The following BARX2 variants were observed in gnomAD, a reference collection of about 807,000 sequenced individuals.
The protein encoded by BARX2 is BARX homeobox 2.
BARX2 carries 11 observed loss-of-function variants against 25.5 expected under a neutral mutation model. The observed-to-expected ratio is 0.43, with a 90% CI of 0.27 to 0.71. The LOEUF (loss-of-function observed/expected upper bound fraction) is 0.71. BARX2 is among the 30% of genes least tolerant of loss of function. BARX2 has a pLI of 0.19. For missense variants in BARX2, 360 were observed against 359.9 expected (o/e 1.00, Z 0.00); for synonymous variants, 137 against 149.5 (o/e 0.92, Z 0.61).
chr11:129,406,120 A>T (rs568790614), intron 1 of BARX2, among the ~76,000 whole-genome samples: 1 of 152,352 alleles, frequency 6.6e-6, no homozygotes, highest in Admixed American at 6.5e-5. Context: ...ATCAATATTT[A>T]AAAAATAATA....
chr11:129,398,790 T>A (rs191864236), intron 1 of BARX2, among the ~76,000 whole-genome samples: 1 of 152,360 alleles, frequency 6.6e-6, no homozygotes, highest in East Asian at 1.9e-4. Flanking sequence ...CAGTTCAGCA[T>A]TGTTAGTAAA....
At chr11:129,450,315 A>ATTTTCT (rs1565525659) in intron 3 of BARX2, among the ~76,000 whole-genome samples, 1 of 152,238 alleles carries the variant, frequency 6.6e-6, no homozygotes, top group Non-Finnish European at 1.5e-5. Flanking sequence ...GAAAATATAG[A>ATTTTCT]AAAAACAAAG....
intron 3 of BARX2, among the ~76,000 whole-genome samples, chr11:129,445,270 G>A (rs1327252493): frequency 2.6e-5 from 4 of 152,150 alleles, no homozygotes; most frequent in South Asian, 2.1e-4. Flanking sequence ...CTTCTTCCTC[G>A]TCAGTCATCA....
chr11:129,423,140 G>A (rs1372945366), intron 1 of BARX2, among the ~76,000 whole-genome samples: 2 of 146,178 alleles, frequency 1.4e-5, no homozygotes, highest in Non-Finnish European at 3.0e-5. Flanking sequence ...TTCCCAAGAC[G>A]GAGTCTTGCT....
intron 2 of BARX2, among the ~76,000 whole-genome samples, chr11:129,439,144 G>T (rs1364257363): frequency 1.3e-5 from 2 of 152,132 alleles, no homozygotes; most frequent in African/African-American, 2.4e-5. Flanking sequence ...TCTCTCTGGT[G>T]GCACCATAAA....
chr11:129,377,528 C>G (rs548731798), intron 1 of BARX2, among the ~76,000 whole-genome samples: 11 of 152,118 alleles, frequency 7.2e-5, no homozygotes, highest in Admixed American at 7.2e-4. Flanking sequence ...TTTTTAAAAC[C>G]AAGAAATATA....
At chr11:129,396,634 G>A (rs1327821012) in intron 1 of BARX2, among the ~76,000 whole-genome samples, 5 of 152,130 alleles carry the variant, frequency 3.3e-5, no homozygotes, top group Non-Finnish European at 7.4e-5. Flanking sequence ...CATGTGGTGG[G>A]TGGGGGGACG....
At chr11:129,425,352 T>G (rs1380327143) in intron 1 of BARX2, among the ~76,000 whole-genome samples, 2 of 152,008 alleles carry the variant, frequency 1.3e-5, no homozygotes, top group Admixed American at 6.6e-5. Flanking sequence ...TAGGAGTGAG[T>G]GATTCTGTCT....
At chr11:129,444,871 G>C (rs991213501) in intron 3 of BARX2, among the ~76,000 whole-genome samples, 2 of 152,048 alleles carry the variant, frequency 1.3e-5, no homozygotes, top group Non-Finnish European at 2.9e-5. Context: ...TGTGGTGTTG[G>C]TTGCCTGTAA....
intron 1 of BARX2, among the ~76,000 whole-genome samples, chr11:129,424,847 A>G (rs889834742): frequency 2.6e-5 from 4 of 152,208 alleles, no homozygotes; most frequent in African/African-American, 9.6e-5. Flanking sequence ...AGCACAAGCT[A>G]TGAGGCAGAG....
chr11:129,395,879 T>C (rs576306726), intron 1 of BARX2, among the ~76,000 whole-genome samples: 1 of 152,246 alleles, frequency 6.6e-6, no homozygotes, highest in Non-Finnish European at 1.5e-5. Context: ...GCGACACCCG[T>C]GCTCAGGGTT....
chr11:129,426,381 T>G (rs1316154854), intron 1 of BARX2, among the ~76,000 whole-genome samples: 2 of 127,442 alleles, frequency 1.6e-5, no homozygotes, highest in Non-Finnish European at 3.6e-5. Flanking sequence ...TTTTTTTTTG[T>G]TTTTTTTTTG....
At chr11:129,391,354 T>A (rs753512012) in intron 1 of BARX2, among the ~76,000 whole-genome samples, 3 of 152,224 alleles carry the variant, frequency 2.0e-5, no homozygotes, top group Non-Finnish European at 4.4e-5. Flanking sequence ...CATGCACCAG[T>A]CTGCGTGTTG....
Position 129,445,810 on chromosome 11 carries a change from A to G in BARX2, c.573+2891A>G, listed in dbSNP as rs144308385. ...GCAGGGAAATTTATAGGATCAGCGCAGAGAGTGGAATAGCAAGGCTGTGTT... is the reference window on the plus strand; with the variant it reads ...GCAGGGAAATTTATAGGATCAGCGCGGAGAGTGGAATAGCAAGGCTGTGTT... On this transcript the variant is annotated intron_variant, in intron 3 of 3. Transcript: ENST00000281437. Among the ~76,000 whole-genome samples, 357 of 152,304 alleles carry G rather than the reference A, an allele frequency of 2.3e-3. 1 individual carries two copies. Among genetic ancestry groups the G allele is most frequent in the African/African-American group, 8.2e-3 (342 of 41,570 alleles).
Position 129,376,351 on chromosome 11 carries a change from G to A in BARX2, c.187+129G>A. The A allele has an allele frequency of 2.0e-6, 2 of 990,412 alleles. No homozygotes were observed. Among genetic ancestry groups the A allele is most frequent in the Non-Finnish European group, 1.5e-6 (1 of 688,648 alleles). 61.4% of individuals were successfully genotyped at this position (990,412 alleles called of 1,614,324 possible). A position where few individuals can be genotyped will look rare whatever the true frequency, so the allele number is the denominator to read the frequency against. ...GGATTCTTTTCCTGCGCCTCAGCAA[G>A]CGGTGGGCATTGCAAAGGCATCTGC... On this transcript the variant is annotated intron_variant, in intron 1 of 3. Coordinates refer to ENST00000281437, the MANE Select transcript of BARX2 (RefSeq NM_003658.5). This position sits in a 1 kb window ranked among gnomAD's most constrained non-coding sequence, Gnocchi z 4.2.
intron 1 of BARX2, among the ~76,000 whole-genome samples, chr11:129,378,108 C>G (rs143794497): frequency 6.6e-6 from 1 of 152,160 alleles, no homozygotes; most frequent in East Asian, 1.9e-4. Flanking sequence ...TTGTGCTTTT[C>G]GAAGTTCACT....
intron 1 of BARX2, among the ~76,000 whole-genome samples, chr11:129,429,007 GT>G (rs57076671): frequency 0.076 from 9,875 of 130,562 alleles, 895 homozygotes; most frequent in African/African-American, 0.24. Context: ...TAGAAGTTGT[GT>G]TTTTTTTTTT....
chr11:129,397,806 G>A (rs1437822957), intron 1 of BARX2, among the ~76,000 whole-genome samples: 2 of 152,204 alleles, frequency 1.3e-5, no homozygotes, highest in Non-Finnish European at 2.9e-5. Context: ...CAGTTGGTGA[G>A]GGCCCAGGGA....
At position 129,451,829 on chromosome 11, in the gene BARX2, C is replaced by G. The variant is rs114868374; in HGVS notation, c.*427C>G. On this transcript the variant is annotated 3_prime_UTR_variant, in exon 4 of 4. Coordinates refer to ENST00000281437, the MANE Select transcript of BARX2 (RefSeq NM_003658.5). ...GTGGGCAGCATGCCCAGGTTCCTTGCTGACTCAGCACTTATTTCTGTAGTT... is the reference window on the plus strand; with the variant it reads ...GTGGGCAGCATGCCCAGGTTCCTTGGTGACTCAGCACTTATTTCTGTAGTT... The G allele has an allele frequency of 6.3e-3, 995 of 158,352 alleles. 18 individuals carry two copies. The highest frequency in any genetic ancestry group is 0.024 in the African/African-American group (958 of 40,748). 9.8% of individuals were successfully genotyped at this position (158,352 alleles called of 1,614,324 possible). A position where few individuals can be genotyped will look rare whatever the true frequency, so the allele number is the denominator to read the frequency against.
Sources: allele counts gnomAD v4.1 joint callset (sites outside exome capture counted in the v4.1 genomes callset), GRCh38; gene constraint gnomAD v4.1.1; non-coding constraint Gnocchi (gnomAD v3.1); transcripts MANE v1.5; gene names NCBI Gene and HGNC (gene_info 2026-07-23, HGNC 2026-07-21).